The following CACNA1C variants were observed in gnomAD, a reference collection of about 807,000 sequenced individuals.
CACNA1C encodes the protein calcium voltage-gated channel subunit alpha1 C.
A neutral mutation model predicts 229.0 loss-of-function variants in CACNA1C; 30 were observed. The observed-to-expected ratio is 0.13, with a 90% CI of 0.10 to 0.18. The LOEUF is 0.18. CACNA1C is among the 10% of genes least tolerant of loss of function. CACNA1C has a pLI of 1.00. For missense variants in CACNA1C, 1,658 were observed against 2,845.0 expected (o/e 0.58, Z 9.49); for synonymous variants, 1,114 against 1,132.5 (o/e 0.98, Z 0.33).
intron 43 of CACNA1C, among the ~76,000 whole-genome samples, chr12:2,685,322 C>T (rs899098171): frequency 2.0e-5 from 3 of 150,552 alleles, no homozygotes; most frequent in Admixed American, 6.6e-5. Context: ...CGGGAGAAAT[C>T]GGGGGACGGG....
At chr12:2,655,460 G>C (rs963233021) in intron 34 of CACNA1C, among the ~76,000 whole-genome samples, 3 of 152,196 alleles carry the variant, frequency 2.0e-5, no homozygotes, top group Non-Finnish European at 4.4e-5. Flanking sequence ...CTGGAAACCA[G>C]ACAAAACCAT....
At chr12:2,284,293 A>AT (rs35238168) in intron 3 of CACNA1C, among the ~76,000 whole-genome samples, 1,637 of 139,846 alleles carry the variant, frequency 0.012, 8 homozygotes, top group African/African-American at 0.022. Context: ...AGACCTCTAG[A>AT]TTTTTTTTTT....
chr12:2,599,909 A>G (rs2071032003), intron 21 of CACNA1C, among the ~76,000 whole-genome samples: 1 of 152,178 alleles, frequency 6.6e-6, no homozygotes, highest in African/African-American at 2.4e-5. Context: ...ACATGCACAC[A>G]CATGCACTTG....
chr12:2,532,993 G>T (rs1251062544), intron 9 of CACNA1C, among the ~76,000 whole-genome samples: 1 of 152,168 alleles, frequency 6.6e-6, no homozygotes, highest in East Asian at 1.9e-4. Context: ...AGAACAATCA[G>T]CGTCCCCAAC....
chr12:2,564,099 G>C (rs2048969716), intron 11 of CACNA1C, among the ~76,000 whole-genome samples: 2 of 152,210 alleles, frequency 1.3e-5, no homozygotes, highest in African/African-American at 4.8e-5. Context: ...TTGCGCTGAA[G>C]TGGAGGGCCG....
chr12:2,029,458 C>G lies in CACNA1C; in HGVS notation c.139+58257C>G, dbSNP rs927413451. Among the ~76,000 whole-genome samples the G allele has an allele frequency of 6.6e-6, 1 of 152,164 alleles. No individual in the cohort carries two copies. Among genetic ancestry groups the G allele is most frequent in the African/African-American group, 2.4e-5 (1 of 41,424 alleles). On this transcript the variant is annotated intron_variant, in intron 1 of 46. Transcript: ENST00000682462. This position sits in a 1 kb window ranked among gnomAD's most constrained non-coding sequence, Gnocchi z 4.9. ...CCTCACCCAGGGCCCTGGCAGCCACCGCTCTGCTTTCTGTCTCCGTGGATT... is the reference window on the plus strand; with the variant it reads ...CCTCACCCAGGGCCCTGGCAGCCACGGCTCTGCTTTCTGTCTCCGTGGATT...
chr12:2,357,352 T>C (rs557166399), intron 3 of CACNA1C, among the ~76,000 whole-genome samples: 53 of 152,140 alleles, frequency 3.5e-4, no homozygotes, highest in Non-Finnish European at 6.3e-4. Flanking sequence ...ATGTTGGCCA[T>C]GTGGAGGCAA....
At chr12:2,295,351 C>T (rs2093939195) in intron 3 of CACNA1C, among the ~76,000 whole-genome samples, 1 of 152,190 alleles carries the variant, frequency 6.6e-6, no homozygotes, top group African/African-American at 2.4e-5. Flanking sequence ...TTCAAGGTTT[C>T]ATTCAAACCA....
intron 3 of CACNA1C, among the ~76,000 whole-genome samples, chr12:2,365,886 G>A (rs1018247195): frequency 1.3e-5 from 2 of 152,176 alleles, no homozygotes; most frequent in African/African-American, 2.4e-5. Flanking sequence ...TGCACTCCAC[G>A]TGTCTATCCA....
At chr12:2,401,452 T>C (rs904108244) in intron 3 of CACNA1C, among the ~76,000 whole-genome samples, 1 of 152,190 alleles carries the variant, frequency 6.6e-6, no homozygotes, top group Admixed American at 6.5e-5. Context: ...AACCAACCTA[T>C]GAGGTCAGCA....
At chr12:2,427,730 T>A (rs1309975689) in intron 3 of CACNA1C, among the ~76,000 whole-genome samples, 1 of 152,192 alleles carries the variant, frequency 6.6e-6, no homozygotes, top group Non-Finnish European at 1.5e-5. Flanking sequence ...GAAGTGATTC[T>A]CCTGCCTCAG....
chr12:2,611,939 A>T lies in CACNA1C; in HGVS notation c.3754A>T (p.Asn1252Tyr), dbSNP rs2153456041. 6.2e-7 allele frequency: 1 copy of T among 1,613,812 alleles called. No homozygotes were observed. Among genetic ancestry groups the T allele is most frequent in the Non-Finnish European group, 8.5e-7 (1 of 1,179,756 alleles). Residue 1252 changes from asparagine (N) to tyrosine (Y), a missense_variant, in exon 29 of 47, where the codon AAC becomes TAC. Asn to Tyr is a moderately radical substitution (Grantham distance 143). This residue lies in a region of CACNA1C where 67 missense variants were observed against 106.4 expected (regional missense o/e 0.63). Coordinates refer to ENST00000399655, the MANE Select transcript of CACNA1C (RefSeq NM_000719.7). The part of the protein sequence containing the change: ...GQSCLFKIAM[N>Y]ILNMLFTGLF... ...GAGCTGCCTGTTCAAAATCGCCATG[A>T]ACATCCTCAACATGCTCTTCACTGG... is the stretch of plus-strand genomic sequence containing the variant.
In CACNA1C at chr12:2,168,009, C is replaced by T. The variant is rs143457450; in HGVS notation, c.477+47579C>T. Among the ~76,000 whole-genome samples the T allele has an allele frequency of 9.8e-3, 1,498 of 152,230 alleles. 18 individuals carry two copies. Among genetic ancestry groups the T allele is most frequent in the Admixed American group, 0.025 (383 of 15,306 alleles). On this transcript the variant is annotated intron_variant, in intron 3 of 46. Transcript: ENST00000399655. ...ATACACTACTCTGAGATATTGGAAGCAAAACTCCCACAATGGATATTTCAA... is the reference window on the plus strand; with the variant it reads ...ATACACTACTCTGAGATATTGGAAGTAAAACTCCCACAATGGATATTTCAA...
rs1314330159 is a variant in CACNA1C at position 2,556,824 on chromosome 12, A to G, written c.1482-127A>G. 27 of 776,386 alleles carry G rather than the reference A, an allele frequency of 3.5e-5. No homozygotes were observed. The East Asian group carries it at 6.5e-4, about 19-fold the overall frequency. 48.1% of individuals were successfully genotyped at this position (776,386 alleles called of 1,614,324 possible). A position where few individuals can be genotyped will look rare whatever the true frequency, so the allele number is the denominator to read the frequency against. ...TCTCTCCCAAGATGTTCTAGTTCAC[A>G]CCATGCCTCCTTCCAGCACCCACAC... On this transcript the variant is annotated intron_variant, in intron 10 of 46. Transcript: ENST00000399655.
chr12:2,447,529 G>A (rs2099310520), intron 3 of CACNA1C, among the ~76,000 whole-genome samples: 1 of 151,910 alleles, frequency 6.6e-6, no homozygotes, highest in African/African-American at 2.4e-5. Flanking sequence ...GGTCTGGGTA[G>A]GGCCCAGAAT....
At position 2,690,821 on chromosome 12, in the gene CACNA1C, C is replaced by T. The variant is rs55830098; in HGVS notation, c.6118-79C>T. The T allele has an allele frequency of 0.12, 172,898 of 1,388,250 alleles. 11,756 individuals are homozygous for T. Among genetic ancestry groups the T allele is most frequent in the East Asian group, 0.24 (9,420 of 39,684 alleles). The allele number at this position is 1,388,250 out of a possible 1,614,324, so 86.0% of individuals were successfully genotyped here. A position where few individuals can be genotyped will look rare whatever the true frequency, so the allele number is the denominator to read the frequency against. On this transcript the variant is annotated intron_variant, in intron 46 of 46. Coordinates refer to ENST00000399655, the MANE Select transcript of CACNA1C (RefSeq NM_000719.7). Reference sequence around the variant, plus strand: ...AAGTGACCTACCAGATACCCCCTCGCTCTAGCCCTCAAGGGAAGAGCTGGG... The same window carrying T: ...AAGTGACCTACCAGATACCCCCTCGTTCTAGCCCTCAAGGGAAGAGCTGGG...
intron 1 of CACNA1C, among the ~76,000 whole-genome samples, chr12:2,006,044 A>C (rs1267041071): frequency 1.3e-5 from 2 of 152,242 alleles, no homozygotes; most frequent in Non-Finnish European, 2.9e-5. Flanking sequence ...AGTTATTTTT[A>C]ATTTCCAATA....
At chr12:2,097,543 A>G (rs2074727879) in intron 1 of CACNA1C, among the ~76,000 whole-genome samples, 1 of 152,112 alleles carries the variant, frequency 6.6e-6, no homozygotes, top group South Asian at 2.1e-4. Flanking sequence ...CAATTTTTCC[A>G]CATGATTGCC....
intron 7 of CACNA1C, among the ~76,000 whole-genome samples, chr12:2,496,285 AG>A (rs1055792652): frequency 1.3e-5 from 2 of 152,188 alleles, no homozygotes; most frequent in African/African-American, 4.8e-5. Flanking sequence ...TAGTTTCCAC[AG>A]GGAGGAGGGG....
Sources: gnomAD v4.1 joint callset for allele counts (sites outside exome capture counted in the v4.1 genomes callset) on GRCh38, gnomAD v4.1.1 for gene constraint, gnomAD v4.1.1 regional missense constraint, Gnocchi (gnomAD v3.1) non-coding constraint, MANE v1.5 for transcripts, NCBI Gene and HGNC (gene_info 2026-07-23, HGNC 2026-07-21) for gene names.